SYNJ2: variants seen among roughly 807,000 people sequenced by gnomAD.
The protein encoded by SYNJ2 is polyphosphatidylinositol phosphatase SYNJ2.
SYNJ2 carries 116 observed loss-of-function variants against 141.3 expected under a neutral mutation model. The observed-to-expected ratio is 0.82, with a 90% CI of 0.71 to 0.96. The LOEUF (loss-of-function observed/expected upper bound fraction) is 0.96, where lower values mean the gene tolerates loss of function less well. SYNJ2 is among the 40% of genes least tolerant of loss of function. The pLI is 0.00. For missense variants in SYNJ2, 1,873 were observed against 1,934.8 expected, an observed-to-expected ratio of 0.97 and a Z score of 0.60; for synonymous variants, 745 against 777.7, an observed-to-expected ratio of 0.96 and a Z score of 0.70.
chr6:158,004,932 CCT>C (rs984009172), intron 1 of SYNJ2, among the ~76,000 whole-genome samples: 12 of 152,050 alleles, frequency 7.9e-5, no homozygotes, highest in Non-Finnish European at 1.5e-4. Context: ...ACCTTCGCCC[CCT>C]CTCCTCCAGT....
chr6:158,056,826 C>T (rs377596986), intron 6 of SYNJ2, among the ~76,000 whole-genome samples: 37 of 152,326 alleles, frequency 2.4e-4, no homozygotes, highest in African/African-American at 8.4e-4. Flanking sequence ...CCAGAGGATG[C>T]TTGTTTTCCT....
chr6:158,006,982 TTGAGACAGTGTCTCACTC>T (rs1182286433), intron 1 of SYNJ2, among the ~76,000 whole-genome samples: 3 of 151,606 alleles, frequency 2.0e-5, no homozygotes, highest in Non-Finnish European at 4.4e-5. Context: ...CTGTTTATTT[TTGAGACAGTGTCTCACTC>T]TGTCAACCAG....
chr6:157,981,587 C>T (rs1254810534), upstream of SYNJ2, among the ~76,000 whole-genome samples: 1 of 152,062 alleles, frequency 6.6e-6, no homozygotes, highest in African/African-American at 2.4e-5. This position sits in a 1 kb window ranked among gnomAD's most constrained non-coding sequence, Gnocchi z 6.4. Context: ...GCATCGCAGC[C>T]AGGCTCCCGG....
chr6:158,037,417 T>C (rs1779696493), intron 4 of SYNJ2, among the ~76,000 whole-genome samples: 1 of 140,898 alleles, frequency 7.1e-6, no homozygotes, highest in Non-Finnish European at 1.5e-5. Flanking sequence ...TTTTTTTTTT[T>C]TGGAGACGGA....
At chr6:158,061,886 G>A (rs1398268220) in intron 7 of SYNJ2, 106 bp from the exon 8 acceptor site, 11 of 1,145,984 alleles carry the variant, frequency 9.6e-6, no homozygotes, top group South Asian at 4.3e-5. Context: ...CACGTCCTGC[G>A]GCGAGTCACC....
chr6:158,062,017 C>G lies in SYNJ2; in HGVS notation c.980C>G (p.Ala327Gly). 1 of 1,614,040 alleles carries G rather than the reference C, an allele frequency of 6.2e-7. No individual in the cohort carries two copies. The highest frequency in any genetic ancestry group is 1.1e-5 in the South Asian group (1 of 91,086). Residue 327 changes from alanine (A) to glycine (G), a missense_variant, in exon 8 of 27, where the codon GCG becomes GGG. Physicochemically the swap from Ala to Gly is moderately conservative, Grantham distance 60 (BLOSUM62 0). Transcript: ENST00000355585. ...FKKLLWASCH[A>G]GDTPMINFDF... ...AAGCTGCTCTGGGCTTCTTGCCACG[C>G]GGGCGACACGCCTATGATCAATTTT...
intron 18 of SYNJ2, chr6:158,079,172 G>T (rs1782516847): frequency 6.6e-6 from 1 of 152,166 alleles, no homozygotes; most frequent in South Asian, 2.1e-4. Flanking sequence ...GAGCACCGTG[G>T]GCACCAGCAC....
rs1481833523 is a variant in SYNJ2, at chr6:158,027,543, A to G, written c.215-1213A>G. On this transcript the variant is annotated intron_variant, in intron 2 of 26. Coordinates refer to ENST00000355585, the MANE Select transcript of SYNJ2 (RefSeq NM_003898.4). This position sits in a 1 kb window ranked among gnomAD's most constrained non-coding sequence, Gnocchi z 4.6. Reference sequence around the variant, plus strand: ...GTGGTGCCCCAGAGAGGGCTGCCTCATTCGCCTGGCTGCAGGGTCCGAGGT... The same window carrying G: ...GTGGTGCCCCAGAGAGGGCTGCCTCGTTCGCCTGGCTGCAGGGTCCGAGGT... 2.0e-5 allele frequency: 3 copies of G among 152,284 alleles called. No homozygotes were observed. Among genetic ancestry groups the G allele is most frequent in the South Asian group, 2.1e-4 (1 of 4,828 alleles). 9.4% of individuals were successfully genotyped at this position (152,284 alleles called of 1,614,324 possible). A position where few individuals can be genotyped will look rare whatever the true frequency, so the allele number is the denominator to read the frequency against.
In SYNJ2 at chr6:158,096,224, C is replaced by A; in HGVS notation, c.4351C>A (p.Pro1451Thr). The A allele has an allele frequency of 3.1e-6, 5 of 1,614,228 alleles. No individual in the cohort carries two copies. Among genetic ancestry groups the A allele is most frequent in the Admixed American group, 1.7e-5 (1 of 60,034 alleles). The change falls in exon 27 of 27, where the codon CCA becomes ACA. Residue 1451 changes from proline to threonine, a missense_variant. Coordinates refer to ENST00000355585, the MANE Select transcript of SYNJ2 (RefSeq NM_003898.4). Reference sequence around the variant, plus strand: ...GAGCCCCAAAAGAGATCCCATAGACCCAGTGTCAGCTGGCGCTTCAGCTGC... The same window carrying A: ...GAGCCCCAAAAGAGATCCCATAGACACAGTGTCAGCTGGCGCTTCAGCTGC... ...TRSPKRDPID[P>T]VSAGASAAKA...
At chr6:158,054,166 TATCCATCCATCCATCC>T (rs762905014) in intron 5 of SYNJ2, among the ~76,000 whole-genome samples, 2 of 133,912 alleles carry the variant, frequency 1.5e-5, no homozygotes, top group African/African-American at 5.7e-5. Flanking sequence ...TCCACTCAGC[TATCCATCCATCCATCC>T]ATCCATCCAT....
chr6:158,000,064 CTT>C (rs58284240), intron 1 of SYNJ2, among the ~76,000 whole-genome samples: 31 of 85,600 alleles, frequency 3.6e-4, no homozygotes, highest in Non-Finnish European at 6.4e-4. Context: ...AGCCAAAAGG[CTT>C]TTTTTTTTTT....
At chr6:158,062,267 A>G in intron 8 of SYNJ2, 103 bp downstream of exon 8, 1 of 1,541,014 alleles carries the variant, frequency 6.5e-7, no homozygotes, top group South Asian at 1.3e-5. Flanking sequence ...GAGGCGGCAG[A>G]GGGGCCGTGC....
At chr6:157,989,875 C>A (rs746969676) in intron 1 of SYNJ2, among the ~76,000 whole-genome samples, 2 of 151,906 alleles carry the variant, frequency 1.3e-5, no homozygotes, top group African/African-American at 2.4e-5. Context: ...GGGGCTCCTG[C>A]AGAGCGTGTC....
chr6:158,094,052 G>T (rs773804094), intron 26 of SYNJ2: 1 of 760,814 alleles, frequency 1.3e-6, no homozygotes, highest in Non-Finnish European at 2.4e-6. Flanking sequence ...TCCCTTCCTG[G>T]TCATCACAGC....
Position 158,076,720 on chromosome 6 carries a change from G to A in SYNJ2, c.2387G>A (p.Arg796His), listed in dbSNP as rs774773792. Reference sequence around the variant, plus strand: ...GCCTACGATACAAGCGACAAATGCCGCACCCCCGCCTGGACAGACAGGGTG... The same window carrying A: ...GCCTACGATACAAGCGACAAATGCCACACCCCCGCCTGGACAGACAGGGTG... The part of the protein sequence containing the change: ...SAAYDTSDKC[R>H]TPAWTDRVLW... The change falls in exon 17 of 27, where the codon CGC becomes CAC. Residue 796 changes from arginine to histidine, a missense_variant. By Grantham distance (29) the Arg-to-His change is conservative. Coordinates refer to ENST00000355585, the MANE Select transcript of SYNJ2 (RefSeq NM_003898.4). The A allele has an allele frequency of 5.0e-6, 8 of 1,614,012 alleles. No individual in the cohort carries two copies. The highest frequency in any genetic ancestry group is 1.7e-5 in the Admixed American group (1 of 59,996).
At position 158,071,906 on chromosome 6, in the gene SYNJ2, G is replaced by GT; in HGVS notation, c.2133+112_2133+113insT. ...ACAACCACAGGGAGGGCCCCTTCCT[G>GT]GAGGGCTCAGCGCTGGGGGAGGGGG... On this transcript the variant is annotated intron_variant, in intron 15 of 26. Transcript: ENST00000355585. The surrounding 1 kb of genome is among the most constrained non-coding windows in gnomAD (Gnocchi z 4.3). 1 of 1,276,682 alleles carries GT rather than the reference G, an allele frequency of 7.8e-7. No homozygotes were observed. Among genetic ancestry groups the GT allele is most frequent in the African/African-American group, 1.5e-5 (1 of 67,180 alleles). 79.1% of individuals were successfully genotyped at this position (1,276,682 alleles called of 1,614,324 possible). A position where few individuals can be genotyped will look rare whatever the true frequency, so the allele number is the denominator to read the frequency against.
intron 3 of SYNJ2, among the ~76,000 whole-genome samples, chr6:158,032,501 G>A (rs962627390): frequency 1.3e-5 from 2 of 152,214 alleles, no homozygotes; most frequent in African/African-American, 4.8e-5. Context: ...GCTAAAGCAA[G>A]GGGGCCAGGC....
chr6:158,014,595 C>G (rs757312193), intron 1 of SYNJ2, among the ~76,000 whole-genome samples: 1 of 152,268 alleles, frequency 6.6e-6, no homozygotes, highest in Non-Finnish European at 1.5e-5. Context: ...TAAATCACAT[C>G]TTACCATCAG....
At chr6:158,045,548 G>A (rs552773602) in intron 5 of SYNJ2, among the ~76,000 whole-genome samples, 4 of 152,222 alleles carry the variant, frequency 2.6e-5, no homozygotes, top group African/African-American at 7.2e-5. Flanking sequence ...TTTGGGGTGC[G>A]CGGGAATATG....
Sources: gnomAD v4.1 joint callset for allele counts (sites outside exome capture counted in the v4.1 genomes callset) on GRCh38, gnomAD v4.1.1 for gene constraint, Gnocchi (gnomAD v3.1) non-coding constraint, MANE v1.5 for transcripts, NCBI Gene and HGNC (gene_info 2026-07-23, HGNC 2026-07-21) for gene names.